ESR1: variants seen among roughly 807,000 people sequenced by gnomAD.
ESR1 encodes estrogen receptor.
In ESR1, 12 loss-of-function variants were observed where a neutral mutation model predicts 52.7. The ratio of observed to expected loss-of-function variants is 0.23; its 90% CI spans 0.15 to 0.37. ESR1 has a LOEUF of 0.37. Ranked by LOEUF, ESR1 falls within the 10% of genes least tolerant of loss-of-function variation. ESR1 has a pLI of 1.00. For synonymous variants in ESR1, 305 were observed against 316.8 expected, an observed-to-expected ratio of 0.96 and a Z score of 0.39; for missense variants, 584 against 779.7, an observed-to-expected ratio of 0.75 and a Z score of 2.99.
intron 1 of ESR1, among the ~76,000 whole-genome samples, chr6:151,664,275 C>A (rs1777741603): frequency 1.3e-5 from 2 of 152,114 alleles, no homozygotes; most frequent in Admixed American, 1.3e-4. Flanking sequence ...AGAAGGTCAG[C>A]CTTCTGTAAA....
Position 152,094,286 on chromosome 6 carries a change from A to G in ESR1, c.1370-99A>G, listed in dbSNP as rs34593357. ...CCATTGCTAGACTACTGTGCTGAGG[A>G]AGGGCACTGGCTCATTGTTACATCC... On this transcript the variant is annotated intron_variant, in intron 6 of 7. Transcript: ENST00000206249. This position sits in a 1 kb window ranked among gnomAD's most constrained non-coding sequence, Gnocchi z 4.6. 447 of 994,994 alleles carry G rather than the reference A, an allele frequency of 4.5e-4. 2 individuals carry two copies. The African/African-American group carries it at 6.8e-3, about 15-fold the overall frequency. The allele number at this position is 994,994 out of a possible 1,614,324, so 61.6% of individuals were successfully genotyped here. A position where few individuals can be genotyped will look rare whatever the true frequency, so the allele number is the denominator to read the frequency against.
chr6:151,924,797 T>A (rs554508123), intron 3 of ESR1, among the ~76,000 whole-genome samples: 1 of 152,336 alleles, frequency 6.6e-6, no homozygotes, highest in South Asian at 2.1e-4. Flanking sequence ...TTTATTTTAA[T>A]GGCTGAATAG....
intron 1 of ESR1, among the ~76,000 whole-genome samples, chr6:151,820,383 C>T (rs1429657203): frequency 6.6e-6 from 1 of 152,164 alleles, no homozygotes; most frequent in African/African-American, 2.4e-5. Context: ...GTTTTTTGAA[C>T]ACCATGTACC....
At chr6:151,964,959 G>A (rs1416343652) in intron 4 of ESR1, among the ~76,000 whole-genome samples, 1 of 151,992 alleles carries the variant, frequency 6.6e-6, no homozygotes, top group African/African-American at 2.4e-5. Flanking sequence ...TCTTAATCAC[G>A]CGATATATAC....
intron 2 of ESR1, among the ~76,000 whole-genome samples, chr6:151,716,640 A>G (rs1246439730): frequency 6.6e-6 from 1 of 152,126 alleles, no homozygotes; most frequent in Admixed American, 6.5e-5. Context: ...GTGACAGGAA[A>G]ACTGCCTACT....
chr6:152,000,461 C>G (rs2041857815), intron 4 of ESR1, among the ~76,000 whole-genome samples: 1 of 152,000 alleles, frequency 6.6e-6, no homozygotes. Context: ...AGATACTTTT[C>G]TCTTTATATA....
chr6:151,824,968 A>C (rs994179445), intron 1 of ESR1, among the ~76,000 whole-genome samples: 5 of 152,148 alleles, frequency 3.3e-5, no homozygotes, highest in Non-Finnish European at 5.9e-5. Flanking sequence ...ACTATGGATT[A>C]GGTAACTTTT....
At position 152,061,075 on chromosome 6, in the gene ESR1, G is replaced by A. The variant is rs149800668; in HGVS notation, c.1320G>A (p.Leu440=). 80 of 1,613,840 alleles carry A rather than the reference G, an allele frequency of 5.0e-5. No homozygotes were observed. The African/African-American group carries it at 1.1e-3, about 21-fold the overall frequency. ...CATCTCGGTTCCGCATGATGAATCT[G>A]CAGGGAGAGGAGTTTGTGTGCCTCA... is the stretch of plus-strand genomic sequence containing the variant. ...ATSSRFRMMN[L]QGEEFVCLKS... Residue 440 remains leucine, a synonymous_variant, in exon 6 of 8, where the codon CTG becomes CTA. Coordinates refer to ENST00000206249, the MANE Select transcript of ESR1 (RefSeq NM_000125.4). This position sits in a 1 kb window ranked among gnomAD's most constrained non-coding sequence, Gnocchi z 4.3.
intron 6 of ESR1, among the ~76,000 whole-genome samples, chr6:152,109,862 C>A (rs780058012): frequency 6.6e-6 from 1 of 152,130 alleles, no homozygotes; most frequent in South Asian, 2.1e-4. Flanking sequence ...TTTCCTGCAA[C>A]GGGAGACACC....
chr6:151,850,440 G>GGA (rs139891345), intron 2 of ESR1, among the ~76,000 whole-genome samples: 3 of 148,670 alleles, frequency 2.0e-5, no homozygotes, highest in African/African-American at 4.9e-5. Flanking sequence ...GAGAGAGGGA[G>GGA]GAGAGAGAGA....
intron 1 of ESR1, among the ~76,000 whole-genome samples, chr6:151,838,343 G>A (rs551633910): frequency 6.6e-6 from 1 of 152,364 alleles, no homozygotes; most frequent in South Asian, 2.1e-4. Context: ...AGAGCAGCAG[G>A]AAGAGAGGAG....
At chr6:151,781,319 C>T (rs1309594608) in intron 2 of ESR1, among the ~76,000 whole-genome samples, 1 of 152,178 alleles carries the variant, frequency 6.6e-6, no homozygotes, top group Non-Finnish European at 1.5e-5. Context: ...GATGTGTCTA[C>T]ATGGTGGAAG....
chr6:152,024,376 A>G (rs945540632), intron 5 of ESR1, among the ~76,000 whole-genome samples: 1 of 151,862 alleles, frequency 6.6e-6, no homozygotes, highest in African/African-American at 2.4e-5. Context: ...TTCTTTTTCT[A>G]TGTGACCTTT....
intron 1 of ESR1, among the ~76,000 whole-genome samples, chr6:151,820,928 G>C (rs1490332654): frequency 6.6e-6 from 1 of 152,070 alleles, no homozygotes; most frequent in African/African-American, 2.4e-5. Flanking sequence ...TAAAATCTGG[G>C]TAAAATTGTA....
intron 2 of ESR1, among the ~76,000 whole-genome samples, chr6:151,791,823 A>G (rs1463223877): frequency 6.6e-6 from 1 of 152,236 alleles, no homozygotes; most frequent in African/African-American, 2.4e-5. Context: ...TATGACCCCA[A>G]ACAACAGGTA....
At chr6:152,122,773 C>T in intron 6 of ESR1, 2 of 1,577,776 alleles carry the variant, frequency 1.3e-6, no homozygotes, top group Non-Finnish European at 1.7e-6. Context: ...AAGGGCCATG[C>T]CAAGCACACC....
intron 2 of ESR1, among the ~76,000 whole-genome samples, chr6:151,708,621 T>C (rs763789397): frequency 9.9e-5 from 15 of 152,178 alleles, no homozygotes; most frequent in Admixed American, 7.2e-4. Context: ...TGAGTAAGCA[T>C]TGTTAATTTT....
chr6:151,729,467 G>A (rs1046695633), intron 2 of ESR1, among the ~76,000 whole-genome samples: 1 of 152,172 alleles, frequency 6.6e-6, no homozygotes, highest in Admixed American at 6.5e-5. Flanking sequence ...CTGGCACTGA[G>A]GCAGGAACTG....
intron 2 of ESR1, among the ~76,000 whole-genome samples, chr6:151,770,611 G>A (rs1785433077): frequency 6.6e-6 from 1 of 152,020 alleles, no homozygotes; most frequent in African/African-American, 2.4e-5. Context: ...AGCGGTAAAG[G>A]TGATACGGGA....
Sources: allele counts gnomAD v4.1 joint callset (sites outside exome capture counted in the v4.1 genomes callset), GRCh38; gene constraint gnomAD v4.1.1; non-coding constraint Gnocchi (gnomAD v3.1); transcripts MANE v1.5; gene names NCBI Gene and HGNC (gene_info 2026-07-23, HGNC 2026-07-21).